The following IGF2 variants were observed in gnomAD, a reference collection of about 807,000 sequenced individuals.
IGF2 encodes the protein insulin-like growth factor 2.
A neutral mutation model predicts 12.0 loss-of-function variants in IGF2; 2 were observed. That is an observed-to-expected ratio of 0.17 (90% CI 0.07 to 0.52). The LOEUF is 0.52. Ranked by LOEUF, IGF2 falls within the 20% of genes least tolerant of loss-of-function variation. IGF2 has a pLI of 0.95. For synonymous variants in IGF2, 105 were observed against 110.1 expected, an observed-to-expected ratio of 0.95 and a Z score of 0.29; for missense variants, 211 against 268.0, an observed-to-expected ratio of 0.79 and a Z score of 1.48.
the IGF2 span, chr11:2,147,215 CCT>C: frequency 0.14 from 27,102 of 189,424 alleles, 2,430 homozygotes; most frequent in Non-Finnish European, 0.2. The surrounding 1 kb of genome is among the most constrained non-coding windows in gnomAD (Gnocchi z 7.2). Context: ...TGATATTTTC[CCT>C]TTTTCCCTCT....
At chr11:2,146,194 C>G, upstream of IGF2, 1 of 518,990 alleles carries the variant, frequency 1.9e-6, no homozygotes, top group Non-Finnish European at 3.9e-6. Flanking sequence ...TCCCCATCCC[C>G]TCGCTCACCA....
rs1858576018 is a variant in IGF2, at chr11:2,131,676, ATGTGTGTGCTGTGTTTG to A, written c.*1294_*1310del. ...TGCTGTGTGTGCGTGTGCTGTGTGC[ATGTGTGTGCTGTGTTTG>A]TGTGTGTGCTGTGTGTGCTGTGTTC... On this transcript the variant is annotated 3_prime_UTR_variant, in exon 4 of 4. Transcript: ENST00000416167. 2 of 140,830 alleles carry A rather than the reference ATGTGTGTGCTGTGTTTG, an allele frequency of 1.4e-5. No individual in the cohort carries two copies. The highest frequency in any genetic ancestry group is 2.6e-5 in the Non-Finnish European group (2 of 76,790). 8.7% of individuals were successfully genotyped at this position (140,830 alleles called of 1,614,324 possible).
At position 2,138,510 on chromosome 11, in the gene IGF2, A is replaced by T. The variant is rs1318734469; in HGVS notation, c.-288T>A. The stretch of plus-strand genomic sequence containing the variant: ...ATCGGGAAATGAGGTCAGCTGTTGT[A>T]TCAAGGATAGAGGGGGGCAGAGATA... On this transcript the variant is annotated 5_prime_UTR_variant, in exon 1 of 4. Coordinates refer to ENST00000416167, the MANE Select transcript of IGF2 (RefSeq NM_000612.6). 1.2e-6 allele frequency: 1 copy of T among 851,442 alleles called. No homozygotes were observed. Among genetic ancestry groups the T allele is most frequent in the Non-Finnish European group, 1.4e-6 (1 of 732,472 alleles). 52.7% of individuals were successfully genotyped at this position (851,442 alleles called of 1,614,324 possible).
upstream of IGF2, among the ~76,000 whole-genome samples, chr11:2,145,634 T>C (rs1406465377): frequency 6.6e-6 from 1 of 152,200 alleles, no homozygotes; most frequent in Non-Finnish European, 1.5e-5. Context: ...CTGGACTTTT[T>C]AAGGTAGGAA....
upstream of IGF2, among the ~76,000 whole-genome samples, chr11:2,145,704 A>G (rs2133635101): frequency 6.6e-6 from 1 of 152,078 alleles, no homozygotes; most frequent in East Asian, 1.9e-4. Flanking sequence ...GTAGGGAGGG[A>G]GGAGCAGGTG....
rs763522595 is a variant in IGF2 at position 2,133,269 on chromosome 11, C to T, written c.307-46G>A. On this transcript the variant is annotated intron_variant, in intron 3 of 3. Coordinates refer to ENST00000416167, the MANE Select transcript of IGF2 (RefSeq NM_000612.6). This position sits in a 1 kb window ranked among gnomAD's most constrained non-coding sequence, Gnocchi z 8.9. The stretch of plus-strand genomic sequence containing the variant: ...TCAGCAGGTGCCTGCTCTCCACGCT[C>T]TTCCGCCTGAGCCGCCCGCCTGACC... 4.6e-5 allele frequency: 62 copies of T among 1,355,804 alleles called. No individual in the cohort carries two copies. The highest frequency in any genetic ancestry group is 5.6e-5 in the Non-Finnish European group (56 of 993,252). 84.0% of individuals were successfully genotyped at this position (1,355,804 alleles called of 1,614,324 possible).
Position 2,138,986 on chromosome 11 carries a change from G to A in IGF2, c.-764C>T. The A allele has an allele frequency of 1.0e-6, 1 of 980,540 alleles. No homozygotes were observed. Among genetic ancestry groups the A allele is most frequent in the Non-Finnish European group, 1.2e-6 (1 of 826,426 alleles). The allele number at this position is 980,540 out of a possible 1,614,324, so 60.7% of individuals were successfully genotyped here. On this transcript the variant is annotated 5_prime_UTR_variant, in exon 1 of 4. Coordinates refer to ENST00000416167, the MANE Select transcript of IGF2 (RefSeq NM_000612.6). Reference sequence around the variant, plus strand: ...GAGGGGGACAGGCGGTGGCGGCACCGGGGCCGCTCCGGGACGCAGCGCGGA... The same window carrying A: ...GAGGGGGACAGGCGGTGGCGGCACCAGGGCCGCTCCGGGACGCAGCGCGGA...
At chr11:2,139,433 C>T (rs7122504), upstream of IGF2, 1 of 147,240 alleles carries the variant, frequency 6.8e-6, no homozygotes, top group South Asian at 2.1e-4. Flanking sequence ...CGCGCCAGCC[C>T]GCGGCCCAGG....
rs1858393472 is a variant in IGF2, at chr11:2,129,563, G to A, written c.*3424C>T. ...GACGAATGGGCAGGTAATTTGGGGTGCCTCGAAGCGTTTTGGATCTCAGGC... is the reference window on the plus strand; with the variant it reads ...GACGAATGGGCAGGTAATTTGGGGTACCTCGAAGCGTTTTGGATCTCAGGC... On this transcript the variant is annotated 3_prime_UTR_variant, in exon 4 of 4. Coordinates refer to ENST00000416167, the MANE Select transcript of IGF2 (RefSeq NM_000612.6). This position sits in a 1 kb window ranked among gnomAD's most constrained non-coding sequence, Gnocchi z 8.1. The A allele has an allele frequency of 4.4e-6, 1 of 228,282 alleles. No homozygotes were observed. The allele number at this position is 228,282 out of a possible 1,614,324, so 14.1% of individuals were successfully genotyped here.
At chr11:2,140,837 C>A (rs778970632), upstream of IGF2, 9 of 331,592 alleles carry the variant, frequency 2.7e-5, no homozygotes, top group Admixed American at 4.5e-5. Flanking sequence ...CGGAGGGGAT[C>A]GGCGCGGCGG....
At chr11:2,137,543 T>C (rs1859166457) in intron 1 of IGF2, among the ~76,000 whole-genome samples, 1 of 147,868 alleles carries the variant, frequency 6.8e-6, no homozygotes, top group African/African-American at 2.5e-5. Flanking sequence ...GGGGGGGGTC[T>C]CCTTCCCACC....
chr11:2,146,135 A>C (rs1303149199), upstream of IGF2: 1 of 472,082 alleles, frequency 2.1e-6, no homozygotes, highest in Non-Finnish European at 4.2e-6. Flanking sequence ...AAGGACTCAG[A>C]CTCACCCCAT....
At chr11:2,149,027 C>T in the IGF2 span, 1 of 1,159,252 alleles carries the variant, frequency 8.6e-7, no homozygotes, top group South Asian at 1.4e-5. Flanking sequence ...CCTTCAGAAA[C>T]CAGGATCCTG....
rs1858435694 is a variant in IGF2, at chr11:2,130,181, CGGCCAGCCTCA to C, written c.*2795_*2805del. On this transcript the variant is annotated 3_prime_UTR_variant, in exon 4 of 4. Transcript: ENST00000416167. ...ACACACCTGCTAGCCCCTTCCCCTC[CGGCCAGCCTCA>C]GGCCAGCCAGGAGCCCCCTCCTGTG... 1 of 231,228 alleles carries C rather than the reference CGGCCAGCCTCA, an allele frequency of 4.3e-6. No individual in the cohort carries two copies. Among genetic ancestry groups the C allele is most frequent in the Non-Finnish European group, 8.6e-6 (1 of 116,888 alleles). The allele number at this position is 231,228 out of a possible 1,614,324, so 14.3% of individuals were successfully genotyped here. A position where few individuals can be genotyped will look rare whatever the true frequency, so the allele number is the denominator to read the frequency against.
chr11:2,141,583 T>C (rs141960213), upstream of IGF2, among the ~76,000 whole-genome samples: 122 of 152,326 alleles, frequency 8.0e-4, 1 homozygote, highest in African/African-American at 2.9e-3. Flanking sequence ...AATTGGCAGA[T>C]GAAAGCAAGG....
rs761163170 is a variant in IGF2 at position 2,133,650 on chromosome 11, C to T, written c.173G>A (p.Arg58His). Residue 58 changes from arginine (R) to histidine (H), a missense_variant, in exon 3 of 4, where the codon CGT becomes CAT. Around this residue, in one of 3 missense-constraint regions of IGF2, gnomAD observed 30 missense variants for 79.2 expected, o/e 0.38. Coordinates refer to ENST00000416167, the MANE Select transcript of IGF2 (RefSeq NM_000612.6). The surrounding 1 kb of genome is among the most constrained non-coding windows in gnomAD (Gnocchi z 8.9). Reference sequence around the variant, plus strand: ...GATGCCACGGCTGCGACGGCTCACACGGCTTGCGGGCCTGCCTGGAAGTCC... The same window carrying T: ...GATGCCACGGCTGCGACGGCTCACATGGCTTGCGGGCCTGCCTGGAAGTCC... ...RGFYFSRPASRVSRRSRGIVE... is the reference protein window; with the variant it reads ...RGFYFSRPASHVSRRSRGIVE... 5 of 1,612,954 alleles carry T rather than the reference C, an allele frequency of 3.1e-6. No individual in the cohort carries two copies. Among genetic ancestry groups the T allele is most frequent in the Non-Finnish European group, 4.2e-6 (5 of 1,179,954 alleles).
chr11:2,149,482 C>T, the IGF2 span: 2 of 752,914 alleles, frequency 2.7e-6, no homozygotes, highest in Non-Finnish European at 4.3e-6. Flanking sequence ...CTCCTCATCC[C>T]CTCCACTCGT....
chr11:2,149,169 G>C, the IGF2 span: 2 of 1,613,510 alleles, frequency 1.2e-6, no homozygotes, highest in South Asian at 2.2e-5. Flanking sequence ...CCTGGACAGT[G>C]GATAAAGAGG....
chr11:2,138,290 G>A lies in IGF2; in HGVS notation c.-68C>T. 18 of 985,072 alleles carry A rather than the reference G, an allele frequency of 1.8e-5. No individual in the cohort carries two copies. The highest frequency in any genetic ancestry group is 4.7e-5 in the South Asian group (1 of 21,286). The allele number at this position is 985,072 out of a possible 1,614,324, so 61.0% of individuals were successfully genotyped here. Reference sequence around the variant, plus strand: ...GCGTGTCGCAAACCGAACAGCGGGCGTTGGCCCTCCTGCCGGACACTCCTC... The same window carrying A: ...GCGTGTCGCAAACCGAACAGCGGGCATTGGCCCTCCTGCCGGACACTCCTC... On this transcript the variant is annotated 5_prime_UTR_variant, in exon 1 of 4. In the 5' UTR this introduces an upstream ATG that the reference lacks. Coordinates refer to ENST00000416167, the MANE Select transcript of IGF2 (RefSeq NM_000612.6).
Sources: allele counts gnomAD v4.1 joint callset (sites outside exome capture counted in the v4.1 genomes callset), GRCh38; gene constraint gnomAD v4.1.1; regional missense constraint gnomAD v4.1.1; non-coding constraint Gnocchi (gnomAD v3.1); transcripts MANE v1.5; gene names NCBI Gene and HGNC (gene_info 2026-07-23, HGNC 2026-07-21).